The following ABI2 variants were observed in gnomAD, a reference collection of about 807,000 sequenced individuals.
ABI2 encodes the protein abl interactor 2.
A neutral mutation model predicts 59.2 loss-of-function variants in ABI2; 25 were observed. The observed-to-expected ratio is 0.42, with a 90% CI of 0.31 to 0.59. ABI2 has a LOEUF of 0.59. Ranked by LOEUF, ABI2 falls within the 20% of genes least tolerant of loss-of-function variation. ABI2 has a pLI of 0.14. For synonymous variants in ABI2, 213 were observed against 235.5 expected (o/e 0.90, Z 0.87); for missense variants, 545 against 681.8 (o/e 0.80, Z 2.23).
chr2:203,370,559 A>T (rs1309984857), intron 2 of ABI2, among the ~76,000 whole-genome samples: 4 of 152,252 alleles, frequency 2.6e-5, no homozygotes, highest in Admixed American at 6.5e-5. Flanking sequence ...ACATTCTGGC[A>T]TGGAGCCTTA....
intron 1 of ABI2, among the ~76,000 whole-genome samples, chr2:203,340,487 C>G (rs1162979293): frequency 6.6e-6 from 1 of 152,022 alleles, no homozygotes; most frequent in Non-Finnish European, 1.5e-5. Context: ...CCACCTTAGC[C>G]TTCCGAATAG....
At chr2:203,339,502 A>C (rs1210603093) in intron 1 of ABI2, among the ~76,000 whole-genome samples, 1 of 147,864 alleles carries the variant, frequency 6.8e-6, no homozygotes, top group Non-Finnish European at 1.5e-5. Flanking sequence ...AATTGCTTGA[A>C]CCCGGGAGGC....
In ABI2 at chr2:203,338,069, T is replaced by A. The variant is rs140016257; in HGVS notation, c.117+9438T>A. ...TAATCAAAACAGTGTGTTACTGGCA[T>A]AAAAGACATGTAGACTAATGGAACA... On this transcript the variant is annotated intron_variant, in intron 1 of 11. Coordinates refer to ENST00000261018, the MANE Select transcript of ABI2 (RefSeq NM_001375670.1). Among the ~76,000 whole-genome samples, 51 of 152,276 alleles carry A rather than the reference T, an allele frequency of 3.3e-4. No individual in the cohort carries two copies. The East Asian group carries it at 6.4e-3, about 19-fold the overall frequency.
intron 3 of ABI2, among the ~76,000 whole-genome samples, chr2:203,381,351 G>A (rs188797733): frequency 1.4e-4 from 22 of 152,198 alleles, no homozygotes; most frequent in South Asian, 4.2e-4. Flanking sequence ...ATCATAGCTC[G>A]CTCCAACCTT....
chr2:203,363,746 A>T (rs1399417980), intron 1 of ABI2, among the ~76,000 whole-genome samples: 2 of 152,126 alleles, frequency 1.3e-5, no homozygotes, highest in Admixed American at 6.6e-5. Flanking sequence ...TCCATTGGGC[A>T]TATGTACCAT....
intron 6 of ABI2, 184 bp downstream of exon 6, chr2:203,395,030 G>C: frequency 1.3e-6 from 1 of 765,252 alleles, no homozygotes; most frequent in South Asian, 1.5e-5. Flanking sequence ...TCAGGAAGTT[G>C]ATAAAGAACA....
chr2:203,343,583 C>A (rs1180715609), intron 1 of ABI2, among the ~76,000 whole-genome samples: 2 of 151,992 alleles, frequency 1.3e-5, no homozygotes, highest in Non-Finnish European at 2.9e-5. Flanking sequence ...CCTGCTTGGG[C>A]CTCCCAAAGT....
chr2:203,414,615 T>C (rs749130784), intron 10 of ABI2, among the ~76,000 whole-genome samples: 5 of 152,268 alleles, frequency 3.3e-5, no homozygotes, highest in Non-Finnish European at 5.9e-5. Flanking sequence ...CATGTCTTCA[T>C]GACTTTTGCC....
intron 10 of ABI2, among the ~76,000 whole-genome samples, chr2:203,413,011 T>A (rs1187956757): frequency 2.0e-5 from 3 of 152,234 alleles, no homozygotes; most frequent in Non-Finnish European, 4.4e-5. Context: ...TCACAATGAT[T>A]AATGATGGTA....
At chr2:203,367,700 G>A (rs541673422) in intron 2 of ABI2, among the ~76,000 whole-genome samples, 2 of 152,058 alleles carry the variant, frequency 1.3e-5, no homozygotes, top group South Asian at 4.2e-4. Context: ...CCTTTTTCCT[G>A]TAAGTAGTTT....
At chr2:203,396,680 G>C in intron 7 of ABI2, 105 bp from the exon 8 acceptor site, 3 of 1,166,002 alleles carry the variant, frequency 2.6e-6, no homozygotes, top group Non-Finnish European at 3.3e-6. Context: ...CTTTTGGTTA[G>C]TGTTAAGCAC....
chr2:203,429,087 T>C lies in ABI2; in HGVS notation c.*1735T>C, dbSNP rs533797910. 1 of 152,370 alleles carries C rather than the reference T, an allele frequency of 6.6e-6. No homozygotes were observed. Among genetic ancestry groups the C allele is most frequent in the East Asian group, 1.9e-4 (1 of 5,190 alleles). The allele number at this position is 152,370 out of a possible 1,614,324, so 9.4% of individuals were successfully genotyped here. On this transcript the variant is annotated 3_prime_UTR_variant, in exon 12 of 12. Coordinates refer to ENST00000261018, the MANE Select transcript of ABI2 (RefSeq NM_001375670.1). Reference sequence around the variant, plus strand: ...ATAGAGTTTCCTTATCAAGACTTTTTGGTTTTAAAGTTGTTTTTAATGCAT... The same window carrying C: ...ATAGAGTTTCCTTATCAAGACTTTTCGGTTTTAAAGTTGTTTTTAATGCAT...
chr2:203,402,578 C>T lies in ABI2; in HGVS notation c.1036C>T (p.His346Tyr). The T allele has an allele frequency of 6.7e-7, 1 of 1,487,058 alleles. No homozygotes were observed. The highest frequency in any genetic ancestry group is 8.9e-7 in the Non-Finnish European group (1 of 1,120,072). 92.1% of individuals were successfully genotyped at this position (1,487,058 alleles called of 1,614,324 possible). A position where few individuals can be genotyped will look rare whatever the true frequency, so the allele number is the denominator to read the frequency against. The change falls in exon 9 of 12, where the codon CAT (histidine) becomes TAT (tyrosine). Residue 346 changes from histidine to tyrosine, a missense_variant and splice_region_variant. By Grantham distance (83) the His-to-Tyr change is moderately conservative. This residue lies in a region of ABI2 where 410 missense variants were observed against 435.6 expected (regional missense o/e 0.94). Transcript: ENST00000261018. ...PVVSSTPPTG[H>Y]PVQFYSMNRP... The stretch of plus-strand genomic sequence containing the variant: ...TGTATGTTCTATCTCTTTTTCAGGT[C>T]ATCCTGTACAGTTCTACAGCATGAA...
chr2:203,341,214 T>C (rs2079722028), intron 1 of ABI2, among the ~76,000 whole-genome samples: 1 of 152,206 alleles, frequency 6.6e-6, no homozygotes, highest in African/African-American at 2.4e-5. Context: ...TTTTTACGCC[T>C]ACATATTTTC....
intron 1 of ABI2, among the ~76,000 whole-genome samples, chr2:203,358,109 GTGTGTTTGTT>G (rs761277403): frequency 0.07 from 9,987 of 143,562 alleles, 386 homozygotes; most frequent in Non-Finnish European, 0.1. Flanking sequence ...GTGTGTGTGT[GTGTGTTTGTT>G]TGTTTGTTTG....
chr2:203,361,009 A>T (rs189033184), intron 1 of ABI2, among the ~76,000 whole-genome samples: 16 of 152,374 alleles, frequency 1.1e-4, no homozygotes, highest in Admixed American at 1.0e-3. Flanking sequence ...TGGCCTCAGC[A>T]TGAGCACTAG....
chr2:203,429,119 T>C lies in ABI2; in HGVS notation c.*1767T>C, dbSNP rs921857767. ...AAAGTTGTTTTTAATGCATTGCAAG[T>C]TACAATAGCTATTTTGCTTTTAGAT... On this transcript the variant is annotated 3_prime_UTR_variant, in exon 12 of 12. Transcript: ENST00000261018. 2 of 152,378 alleles carry C rather than the reference T, an allele frequency of 1.3e-5. No individual in the cohort carries two copies. The highest frequency in any genetic ancestry group is 2.9e-5 in the Non-Finnish European group (2 of 68,030). The allele number at this position is 152,378 out of a possible 1,614,324, so 9.4% of individuals were successfully genotyped here. A position where few individuals can be genotyped will look rare whatever the true frequency, so the allele number is the denominator to read the frequency against.
At chr2:203,355,453 A>C (rs2152814708) in intron 1 of ABI2, 1 of 163,962 alleles carries the variant, frequency 6.1e-6, no homozygotes, top group East Asian at 1.6e-4. Context: ...TTGAAGCTGC[A>C]GTGAGCTGTC....
At chr2:203,409,315 A>C (rs1172719526) in intron 9 of ABI2, among the ~76,000 whole-genome samples, 2 of 152,144 alleles carry the variant, frequency 1.3e-5, no homozygotes, top group Non-Finnish European at 2.9e-5. Context: ...AAAGGTACCA[A>C]TTTCTAGGGT....
Sources: gnomAD v4.1 joint callset for allele counts (sites outside exome capture counted in the v4.1 genomes callset) on GRCh38, gnomAD v4.1.1 for gene constraint, gnomAD v4.1.1 regional missense constraint, MANE v1.5 for transcripts, NCBI Gene and HGNC (gene_info 2026-07-23, HGNC 2026-07-21) for gene names.